Variants in CADM2 observed in about 807,000 individuals in gnomAD.
CADM2 encodes cell adhesion molecule 2.
CADM2 carries 12 observed loss-of-function variants against 49.8 expected under a neutral mutation model. The ratio of observed to expected loss-of-function variants is 0.24; its 90% CI spans 0.15 to 0.39. CADM2 has a LOEUF of 0.39. CADM2 is among the 10% of genes least tolerant of loss of function. CADM2 has a pLI of 1.00. For missense variants in CADM2, 378 were observed against 492.3 expected (o/e 0.77, Z 2.20); for synonymous variants, 214 against 175.4 (o/e 1.22, Z -1.74).
intron 1 of CADM2, chr3:85,511,896 A>G: frequency 1.0e-6 from 1 of 978,698 alleles, no homozygotes; most frequent in Non-Finnish European, 1.2e-6. Flanking sequence ...AGACTGCATC[A>G]AGGTAAAACA....
At chr3:85,339,831 C>CT (rs2045193224) in intron 1 of CADM2, among the ~76,000 whole-genome samples, 1 of 151,318 alleles carries the variant, frequency 6.6e-6, no homozygotes, top group Admixed American at 6.6e-5. Flanking sequence ...ACCAGTGATT[C>CT]TTAGATGATC....
chr3:85,255,342 C>G (rs185089761), intron 1 of CADM2, among the ~76,000 whole-genome samples: 1 of 151,910 alleles, frequency 6.6e-6, no homozygotes, highest in African/African-American at 2.4e-5. Flanking sequence ...AAAGAAGAGG[C>G]TTCATTTGTT....
intron 8 of CADM2, among the ~76,000 whole-genome samples, chr3:85,991,129 G>A (rs1025752782): frequency 2.0e-5 from 3 of 152,044 alleles, no homozygotes; most frequent in Non-Finnish European, 4.4e-5. Context: ...AGAAAAATCT[G>A]TACAAACACA....
In CADM2 at chr3:85,486,104, C is replaced by T. The variant is rs115155321; in HGVS notation, c.62-240418C>T. On this transcript the variant is annotated intron_variant, in intron 1 of 9. Transcript: ENST00000383699. ...CAAGTAAAACTCATTTGCTCCTCAG[C>T]GAAACATACAATTTACAATCTTTTA... Among the ~76,000 whole-genome samples, 369 of 152,016 alleles carry T rather than the reference C, an allele frequency of 2.4e-3. 3 individuals are homozygous for T. Among genetic ancestry groups the T allele is most frequent in the African/African-American group, 8.5e-3 (352 of 41,500 alleles).
At chr3:85,278,312 C>T (rs578125681) in intron 1 of CADM2, among the ~76,000 whole-genome samples, 1 of 151,586 alleles carries the variant, frequency 6.6e-6, no homozygotes, top group African/African-American at 2.4e-5. Flanking sequence ...AGTCCCACCT[C>T]TACAGCTCTT....
At chr3:85,877,682 C>CTT (rs1181629793) in intron 3 of CADM2, among the ~76,000 whole-genome samples, 9 of 78,730 alleles carry the variant, frequency 1.1e-4, no homozygotes, top group African/African-American at 4.3e-4. Flanking sequence ...TTTTTTTCTT[C>CTT]TGTTTTTTTT....
At chr3:85,739,570 T>C (rs1056991860) in intron 2 of CADM2, among the ~76,000 whole-genome samples, 4 of 152,024 alleles carry the variant, frequency 2.6e-5, no homozygotes, top group African/African-American at 9.7e-5. Context: ...GAGAAATGAA[T>C]AGGATGACAA....
intron 1 of CADM2, among the ~76,000 whole-genome samples, chr3:85,233,871 A>G (rs1236149082): frequency 6.6e-6 from 1 of 152,130 alleles, no homozygotes; most frequent in Non-Finnish European, 1.5e-5. Context: ...ATTGATTCAT[A>G]GTAAAAATCT....
chr3:85,808,445 G>GA (rs965337948), intron 3 of CADM2, among the ~76,000 whole-genome samples: 23 of 151,210 alleles, frequency 1.5e-4, no homozygotes, highest in African/African-American at 1.7e-4. Flanking sequence ...ATTGGCAATG[G>GA]AAAAAAAAAT....
At position 85,901,031 on chromosome 3, in the gene CADM2, T is replaced by C. The variant is rs76525457; in HGVS notation, c.530-11342T>C. Among the ~76,000 whole-genome samples, 509 of 152,244 alleles carry C rather than the reference T, an allele frequency of 3.3e-3. 13 individuals are homozygous for C. The highest frequency in any genetic ancestry group is 0.026 in the East Asian group (133 of 5,172). ...GCTAATTAATTGATTACCCTGTGTC[T>C]ATGAAAAATACAAAAATTAGCTGGG... On this transcript the variant is annotated intron_variant, in intron 5 of 9. Transcript: ENST00000383699.
At chr3:85,158,508 G>A (rs945086373) in intron 1 of CADM2, among the ~76,000 whole-genome samples, 3 of 152,162 alleles carry the variant, frequency 2.0e-5, no homozygotes, top group African/African-American at 7.2e-5. Flanking sequence ...ATACTATGCA[G>A]CCATAAAAAT....
At chr3:85,098,807 T>C (rs1415707390) in intron 1 of CADM2, among the ~76,000 whole-genome samples, 4 of 152,170 alleles carry the variant, frequency 2.6e-5, no homozygotes, top group African/African-American at 9.6e-5. Flanking sequence ...TTTTGATCCA[T>C]GTTTGGTTGA....
At chr3:85,147,275 C>CAAAAAAAAAAAAAAAAAAAAAAAA (rs759888985) in intron 1 of CADM2, among the ~76,000 whole-genome samples, 3 of 45,964 alleles carry the variant, frequency 6.5e-5, no homozygotes, top group African/African-American at 1.5e-4. Context: ...GACTCTGTCT[C>CAAAAAAAAAAAAAAAAAAAAAAAA]AAAAAAAAAA....
At chr3:85,402,088 G>A (rs1272137964) in intron 1 of CADM2, among the ~76,000 whole-genome samples, 3 of 151,758 alleles carry the variant, frequency 2.0e-5, no homozygotes. Flanking sequence ...TTTATAATTA[G>A]TATAAATATC....
intron 1 of CADM2, among the ~76,000 whole-genome samples, chr3:85,294,828 A>G (rs1320858729): frequency 6.6e-6 from 1 of 152,234 alleles, no homozygotes; most frequent in African/African-American, 2.4e-5. Flanking sequence ...ACCTAAAACC[A>G]TAAAAACCCT....
intron 2 of CADM2, among the ~76,000 whole-genome samples, chr3:85,797,296 G>A (rs746767662): frequency 4.6e-5 from 7 of 151,736 alleles, no homozygotes; most frequent in Non-Finnish European, 7.4e-5. Flanking sequence ...TGGCATACAC[G>A]TGCAGAACGT....
In CADM2 at chr3:85,987,180, T is replaced by TTTCTTTCCACTA. The variant is rs1181863976; in HGVS notation, c.970+25534_970+25535insTCTTTCCACTAT. Among the ~76,000 whole-genome samples, 19 of 152,218 alleles carry TTTCTTTCCACTA rather than the reference T, an allele frequency of 1.2e-4. No homozygotes were observed. In the East Asian group the frequency reaches 1.4e-3, roughly 11 times the overall value. On this transcript the variant is annotated intron_variant, in intron 8 of 9. Transcript: ENST00000383699. ...GAAAATATCTGAGAAAACCTTGTAT[T>TTTCTTTCCACTA]TATATTTTCTTTCCACTATTACCTA... is the stretch of plus-strand genomic sequence containing the variant.
intron 5 of CADM2, among the ~76,000 whole-genome samples, chr3:85,909,162 G>A (rs190804953): frequency 1.2e-4 from 19 of 152,108 alleles, no homozygotes; most frequent in African/African-American, 4.3e-4. Flanking sequence ...CAGAAAACCC[G>A]AATATATTCT....
intron 1 of CADM2, among the ~76,000 whole-genome samples, chr3:85,710,157 C>A (rs184100502): frequency 2.0e-5 from 3 of 152,178 alleles, no homozygotes; most frequent in Non-Finnish European, 2.9e-5. Flanking sequence ...AGCTATGGAA[C>A]ACCATTTTCT....
Sources: gnomAD v4.1 joint callset for allele counts (sites outside exome capture counted in the v4.1 genomes callset) on GRCh38, gnomAD v4.1.1 for gene constraint, MANE v1.5 for transcripts, NCBI Gene and HGNC (gene_info 2026-07-23, HGNC 2026-07-21) for gene names.